Variants in TBCA observed in about 807,000 individuals in gnomAD.
TBCA encodes tubulin folding cofactor A.
Under a neutral mutation model 15.8 loss-of-function variants are expected in TBCA, and 6 were observed. The ratio of observed to expected loss-of-function variants is 0.38; its 90% confidence interval spans 0.21 to 0.75. The LOEUF (loss-of-function observed/expected upper bound fraction) is 0.75. Ranked by LOEUF, TBCA falls within the 30% of genes least tolerant of loss-of-function variation. TBCA has a pLI of 0.46. For missense variants in TBCA, 90 were observed against 131.2 expected (o/e 0.69, Z 1.53); for synonymous variants, 32 against 42.3 (o/e 0.76, Z 0.94).
At chr5:77,752,194 C>T (rs1281168359) in intron 1 of TBCA, among the ~76,000 whole-genome samples, 1 of 152,136 alleles carries the variant, frequency 6.6e-6, no homozygotes, top group African/African-American at 2.4e-5. Context: ...GCTGATGATA[C>T]CAGCCTACGA....
At chr5:77,733,324 G>A (rs978928433) in intron 1 of TBCA, among the ~76,000 whole-genome samples, 1 of 152,200 alleles carries the variant, frequency 6.6e-6, no homozygotes, top group African/African-American at 2.4e-5. Flanking sequence ...CAGTGGGAAA[G>A]GCATGTGGAA....
chr5:77,709,551 G>A (rs1292597921), intron 1 of TBCA, among the ~76,000 whole-genome samples: 1 of 152,192 alleles, frequency 6.6e-6, no homozygotes, highest in Non-Finnish European at 1.5e-5. Context: ...TGGCAAGGAT[G>A]CAGAGAAATT....
intron 1 of TBCA, among the ~76,000 whole-genome samples, chr5:77,730,813 A>G (rs376494): frequency 0.38 from 57,979 of 151,890 alleles, 11,099 homozygotes; most frequent in South Asian, 0.41. Context: ...CTCCCTCATG[A>G]TAATTTTGGT....
At position 77,749,465 on chromosome 5, in the gene TBCA, G is replaced by A. The variant is rs554405755; in HGVS notation, c.53+26740C>T. On this transcript the variant is annotated intron_variant, in intron 1 of 3. Transcript: ENST00000380377. Reference sequence around the variant, plus strand: ...TTTTATGGTAGCAAATGATAAAATGGACTAGTGTCTACACATATTTCATAT... The same window carrying A: ...TTTTATGGTAGCAAATGATAAAATGAACTAGTGTCTACACATATTTCATAT... Among the ~76,000 whole-genome samples the A allele has an allele frequency of 2.1e-3, 314 of 152,238 alleles. 1 individual carries two copies. The highest frequency in any genetic ancestry group is 7.3e-3 in the African/African-American group (304 of 41,546).
At chr5:77,734,768 T>C (rs965059415) in intron 1 of TBCA, among the ~76,000 whole-genome samples, 45 of 152,204 alleles carry the variant, frequency 3.0e-4, no homozygotes, top group African/African-American at 1.1e-3. Context: ...CAGCACTGCA[T>C]GCTACAGACA....
intron 1 of TBCA, among the ~76,000 whole-genome samples, chr5:77,761,857 G>A (rs1318377699): frequency 1.3e-5 from 2 of 152,194 alleles, no homozygotes; most frequent in Non-Finnish European, 2.9e-5. Flanking sequence ...AGATGCTCTA[G>A]TGCTAAAAGA....
intron 1 of TBCA, among the ~76,000 whole-genome samples, chr5:77,752,972 T>C (rs1333522939): frequency 6.6e-6 from 1 of 151,698 alleles, no homozygotes; most frequent in African/African-American, 2.4e-5. Flanking sequence ...GGATTACAGG[T>C]ATGAGCCACC....
chr5:77,734,206 T>C (rs1746841414), intron 1 of TBCA, among the ~76,000 whole-genome samples: 1 of 152,262 alleles, frequency 6.6e-6, no homozygotes, highest in Non-Finnish European at 1.5e-5. Context: ...TGTCTGCTAA[T>C]ACAACACCCA....
At chr5:77,743,486 G>T (rs893185092) in intron 1 of TBCA, among the ~76,000 whole-genome samples, 1 of 152,164 alleles carries the variant, frequency 6.6e-6, no homozygotes, top group Non-Finnish European at 1.5e-5. Context: ...GATACGAGTG[G>T]GGAAAGGTTA....
intron 1 of TBCA, among the ~76,000 whole-genome samples, chr5:77,753,718 A>T (rs916646920): frequency 2.0e-5 from 3 of 152,204 alleles, no homozygotes; most frequent in Admixed American, 1.3e-4. Flanking sequence ...TTCAATTTTA[A>T]CAAAAACTAT....
chr5:77,727,842 A>T (rs567854472), intron 1 of TBCA, among the ~76,000 whole-genome samples: 1 of 152,314 alleles, frequency 6.6e-6, no homozygotes, highest in South Asian at 2.1e-4. Context: ...TCCAAAATAC[A>T]TAAAAATGCA....
chr5:77,748,583 A>G (rs1036753722), intron 1 of TBCA, among the ~76,000 whole-genome samples: 2 of 151,996 alleles, frequency 1.3e-5, no homozygotes, highest in African/African-American at 4.8e-5. Flanking sequence ...TTCTTATCTT[A>G]AAATTTACAA....
intron 1 of TBCA, among the ~76,000 whole-genome samples, chr5:77,763,912 A>G (rs1747712618): frequency 6.6e-6 from 1 of 152,222 alleles, no homozygotes; most frequent in Admixed American, 6.5e-5. Context: ...ACCCTCAGAC[A>G]TAATTAACAG....
At position 77,717,724 on chromosome 5, in the gene TBCA, C is replaced by T. The variant is rs538829371; in HGVS notation, c.54-9377G>A. Among the ~76,000 whole-genome samples the T allele has an allele frequency of 1.3e-3, 197 of 151,916 alleles. 1 individual carries two copies. Among genetic ancestry groups the T allele is most frequent in the African/African-American group, 4.5e-3 (186 of 41,424 alleles). On this transcript the variant is annotated intron_variant, in intron 1 of 3. Transcript: ENST00000380377. The stretch of plus-strand genomic sequence containing the variant: ...GTGCACGCCTGTAATCCCAACTACT[C>T]GGGAGGCTGAGGCAGGAGAATCGCT...
At chr5:77,734,445 T>C (rs532367481) in intron 1 of TBCA, among the ~76,000 whole-genome samples, 5 of 152,240 alleles carry the variant, frequency 3.3e-5, no homozygotes, top group South Asian at 4.2e-4. Context: ...TTGGGGGAAG[T>C]TGATTCTAAC....
At chr5:77,729,989 C>A (rs865878388) in intron 1 of TBCA, among the ~76,000 whole-genome samples, 1 of 151,998 alleles carries the variant, frequency 6.6e-6, no homozygotes, top group Non-Finnish European at 1.5e-5. Context: ...TTAATATATT[C>A]CTAAGTTTTA....
chr5:77,691,906 T>C, intron 3 of TBCA: 1 of 989,522 alleles, frequency 1.0e-6, no homozygotes. Flanking sequence ...CCACTGACTA[T>C]TCACAATGAC....
intron 1 of TBCA, among the ~76,000 whole-genome samples, chr5:77,743,291 G>A (rs893142108): frequency 1.3e-5 from 2 of 152,210 alleles, no homozygotes; most frequent in Admixed American, 1.3e-4. Context: ...CTTAATAAAT[G>A]TGTGCCCTTT....
intron 3 of TBCA, chr5:77,692,740 T>C (rs1745782589): frequency 2.0e-6 from 2 of 992,876 alleles, no homozygotes; most frequent in Non-Finnish European, 1.2e-6. Context: ...CTACCTTCTG[T>C]ATCACAAGGC....
Sources: gnomAD v4.1 joint callset for allele counts (sites outside exome capture counted in the v4.1 genomes callset) on GRCh38, gnomAD v4.1.1 for gene constraint, MANE v1.5 for transcripts, NCBI Gene and HGNC (gene_info 2026-07-23, HGNC 2026-07-21) for gene names.